Variants in ENTREP1 observed in about 807,000 individuals in gnomAD.
The protein encoded by ENTREP1 is Friedreich ataxia region gene X123.
chr9:69,340,789 A>ATG, the ENTREP1 span, among the ~76,000 whole-genome samples: 88,159 of 126,264 alleles, frequency 0.7, 28,718 homozygotes, highest in South Asian at 0.76. Context: ...GTGTGTGTGC[A>ATG]TGTGTGTGTG....
At chr9:69,331,290 T>TA in the ENTREP1 span, among the ~76,000 whole-genome samples, 1 of 152,230 alleles carries the variant, frequency 6.6e-6, no homozygotes, top group Non-Finnish European at 1.5e-5. Context: ...TAATACAAGT[T>TA]AATGGATTAG....
the ENTREP1 span, chr9:69,382,064 T>C: frequency 6.6e-6 from 1 of 152,324 alleles, no homozygotes; most frequent in South Asian, 2.1e-4. Context: ...GAAATACAGA[T>C]GTCATTTGTT....
At chr9:69,360,741 G>A in the ENTREP1 span, among the ~76,000 whole-genome samples, 14 of 152,042 alleles carry the variant, frequency 9.2e-5, no homozygotes, top group South Asian at 2.1e-4. Flanking sequence ...TATCTTGGGC[G>A]TTCCCTTAAC....
At chr9:69,379,041 A>C in the ENTREP1 span, among the ~76,000 whole-genome samples, 3 of 150,316 alleles carry the variant, frequency 2.0e-5, no homozygotes, top group Non-Finnish European at 4.4e-5. Flanking sequence ...ATAAGCAAAC[A>C]TCTGTTGAAC....
the ENTREP1 span, chr9:69,388,050 T>C: frequency 6.3e-7 from 1 of 1,598,516 alleles, no homozygotes; most frequent in Non-Finnish European, 8.5e-7. Flanking sequence ...GCTATCAGCA[T>C]TTGTCAGATG....
the ENTREP1 span, among the ~76,000 whole-genome samples, chr9:69,332,650 C>G: frequency 1.3e-5 from 2 of 152,136 alleles, no homozygotes; most frequent in African/African-American, 4.8e-5. Context: ...CTACCATATG[C>G]AAACAAAATA....
chr9:69,337,047 C>T, the ENTREP1 span, among the ~76,000 whole-genome samples: 2 of 123,098 alleles, frequency 1.6e-5, no homozygotes, highest in African/African-American at 6.4e-5. Flanking sequence ...TACAGTCTCA[C>T]CCTGTCGCCC....
chr9:69,391,614 T>A, the ENTREP1 span: 1 of 1,614,148 alleles, frequency 6.2e-7, no homozygotes, highest in Non-Finnish European at 8.5e-7. Flanking sequence ...ATGGCCCCAT[T>A]GCAGCCCAGC....
chr9:69,351,201 A>G, the ENTREP1 span, among the ~76,000 whole-genome samples: 1 of 152,224 alleles, frequency 6.6e-6, no homozygotes, highest in African/African-American at 2.4e-5. Flanking sequence ...CCATTTTAAA[A>G]AATAGATTAC....
the ENTREP1 span, among the ~76,000 whole-genome samples, chr9:69,332,418 G>T: frequency 0.036 from 5,413 of 152,292 alleles, 283 homozygotes; most frequent in African/African-American, 0.12. Flanking sequence ...AAATGGAAAT[G>T]ACATTCTTAG....
At chr9:69,342,387 A>T in the ENTREP1 span, among the ~76,000 whole-genome samples, 19 of 152,198 alleles carry the variant, frequency 1.2e-4, no homozygotes, top group Middle Eastern at 3.2e-3. Context: ...CACCTCCTCC[A>T]TTAGCCAATC....
the ENTREP1 span, chr9:69,387,249 C>A: frequency 6.6e-6 from 1 of 152,488 alleles, no homozygotes; most frequent in Non-Finnish European, 1.5e-5. Flanking sequence ...TTTAGAGCTC[C>A]CCACACCTGC....
chr9:69,383,318 C>G, the ENTREP1 span: 1 of 960,552 alleles, frequency 1.0e-6, no homozygotes, highest in African/African-American at 1.7e-5. Flanking sequence ...AGTCACTCCC[C>G]ATTCCCTTCT....
the ENTREP1 span, among the ~76,000 whole-genome samples, chr9:69,344,390 A>G: frequency 6.6e-6 from 1 of 152,168 alleles, no homozygotes; most frequent in African/African-American, 2.4e-5. Flanking sequence ...TGTGGAGTGA[A>G]ATGGGAATGG....
chr9:69,340,751 G>GCA, the ENTREP1 span, among the ~76,000 whole-genome samples: 2 of 122,518 alleles, frequency 1.6e-5, no homozygotes, highest in East Asian at 2.3e-4. Context: ...GTGTGTTTGT[G>GCA]TGTGTGCGTG....
At chr9:69,358,751 G>A in the ENTREP1 span, among the ~76,000 whole-genome samples, 18 of 152,126 alleles carry the variant, frequency 1.2e-4, no homozygotes, top group African/African-American at 3.4e-4. Context: ...ACACATGTAC[G>A]TGCACAAATT....
At chr9:69,354,254 A>ATTTTTTTT in the ENTREP1 span, among the ~76,000 whole-genome samples, 16 of 105,630 alleles carry the variant, frequency 1.5e-4, 2 homozygotes, top group African/African-American at 1.5e-4. Flanking sequence ...CTATTGCAAC[A>ATTTTTTTT]TTTTTTTTTT....
At chr9:69,391,739 C>T in the ENTREP1 span, 1 of 1,613,944 alleles carries the variant, frequency 6.2e-7, no homozygotes, top group South Asian at 1.1e-5. Flanking sequence ...CGAGAGGAGG[C>T]CCCGGCGAGT....
At chr9:69,329,032 G>C in the ENTREP1 span, among the ~76,000 whole-genome samples, 1 of 152,088 alleles carries the variant, frequency 6.6e-6, no homozygotes, top group African/African-American at 2.4e-5. Context: ...TCCATGCTGC[G>C]GCAAGTCTCA....
Sources: allele counts gnomAD v4.1 joint callset (sites outside exome capture counted in the v4.1 genomes callset), GRCh38; gene constraint gnomAD v4.1.1; transcripts MANE v1.5; gene names NCBI Gene and HGNC (gene_info 2026-07-23, HGNC 2026-07-21).